DENND5A: variants seen among roughly 807,000 people sequenced by gnomAD.
DENND5A encodes the protein DENN domain-containing protein 5A.
DENND5A carries 64 observed loss-of-function variants against 140.3 expected under a neutral mutation model. The ratio of observed to expected loss-of-function variants is 0.46; its 90% CI spans 0.37 to 0.56. DENND5A has a LOEUF of 0.56. Ranked by LOEUF, DENND5A falls within the 20% of genes least tolerant of loss-of-function variation. The probability of loss-of-function intolerance (pLI) is 0.00; values close to 1 mark genes in which losing one functional copy is unlikely to be tolerated. For missense variants in DENND5A, 1,292 were observed against 1,593.8 expected (o/e 0.81, Z 3.22); for synonymous variants, 605 against 607.7 (o/e 1.00, Z 0.07).
chr11:9,189,346 G>C (rs1358217132), intron 5 of DENND5A, among the ~76,000 whole-genome samples: 1 of 152,224 alleles, frequency 6.6e-6, no homozygotes, highest in Non-Finnish European at 1.5e-5. Flanking sequence ...ACTTCTGCTA[G>C]AGTAGTGCGG....
At chr11:9,247,209 G>A (rs1217197290) in intron 1 of DENND5A, among the ~76,000 whole-genome samples, 1 of 147,544 alleles carries the variant, frequency 6.8e-6, no homozygotes, top group Non-Finnish European at 1.5e-5. Context: ...CAGCCTGGGC[G>A]ACAGAGCGAG....
chr11:9,256,205 T>C (rs1205237266), intron 1 of DENND5A, among the ~76,000 whole-genome samples: 1 of 152,178 alleles, frequency 6.6e-6, no homozygotes, highest in Non-Finnish European at 1.5e-5. Context: ...CTTGTGCCTG[T>C]AATCCCAGCA....
chr11:9,150,299 C>T, intron 14 of DENND5A, 90 bp from the exon 15 acceptor site: 1 of 1,452,678 alleles, frequency 6.9e-7, no homozygotes, highest in Non-Finnish European at 9.4e-7. Context: ...AGGAGACCTG[C>T]TGAGACAGAC....
chr11:9,250,125 C>T (rs755384449), intron 1 of DENND5A, among the ~76,000 whole-genome samples: 3 of 151,136 alleles, frequency 2.0e-5, no homozygotes. Context: ...AATCAGAAGT[C>T]ACAGCCAGCC....
chr11:9,149,965 G>A (rs186717522), intron 15 of DENND5A, 116 bp downstream of exon 15: 334 of 1,389,108 alleles, frequency 2.4e-4, no homozygotes, highest in Non-Finnish European at 3.1e-4. Context: ...TAAGCAAAGA[G>A]GTTAGCTGAA....
chr11:9,198,580 C>T (rs1288710701), intron 4 of DENND5A, among the ~76,000 whole-genome samples: 1 of 149,546 alleles, frequency 6.7e-6, no homozygotes, highest in African/African-American at 2.5e-5. Context: ...CACTGCACTC[C>T]AGCCTGGCAA....
At chr11:9,258,493 G>A (rs1167841988) in intron 1 of DENND5A, among the ~76,000 whole-genome samples, 1 of 152,084 alleles carries the variant, frequency 6.6e-6, no homozygotes, top group East Asian at 1.9e-4. Flanking sequence ...TCCATGATGT[G>A]TATGTGCCAT....
chr11:9,255,009 T>G (rs1197936800), intron 1 of DENND5A, among the ~76,000 whole-genome samples: 1 of 151,904 alleles, frequency 6.6e-6, no homozygotes, highest in Non-Finnish European at 1.5e-5. Context: ...AGGCAGAGGT[T>G]GCAGTGAGCC....
At chr11:9,209,971 G>C (rs912333629) in intron 1 of DENND5A, among the ~76,000 whole-genome samples, 40 of 152,220 alleles carry the variant, frequency 2.6e-4, no homozygotes, top group South Asian at 6.2e-4. Flanking sequence ...GCCAGGCGTA[G>C]TGGCGGACAC....
chr11:9,220,436 A>C (rs1331035115), intron 1 of DENND5A, among the ~76,000 whole-genome samples: 1 of 152,080 alleles, frequency 6.6e-6, no homozygotes, highest in Non-Finnish European at 1.5e-5. Flanking sequence ...AATCCCAGCT[A>C]CTTGGGAAGC....
intron 1 of DENND5A, among the ~76,000 whole-genome samples, chr11:9,249,752 G>A (rs566328927): frequency 6.6e-6 from 1 of 152,232 alleles, no homozygotes; most frequent in East Asian, 1.9e-4. Context: ...GTTTCACCAT[G>A]TTAGCCAGGC....
At chr11:9,222,896 A>G (rs867401843) in intron 1 of DENND5A, among the ~76,000 whole-genome samples, 41 of 152,372 alleles carry the variant, frequency 2.7e-4, no homozygotes, top group South Asian at 4.1e-4. Context: ...AGTTGCCACA[A>G]GCTCTTGCTA....
rs1234114605 is a variant in DENND5A at position 9,142,074 on chromosome 11, CT to C, written c.3545del (p.Lys1182ArgfsTer4). On this transcript the variant is annotated frameshift_variant, in exon 22 of 23. Transcript: ENST00000328194. LOFTEE classifies it high-confidence loss of function. ...KAQTYYETLE[K>X]NEVVPEENWH... ...AGTTTTCCTCAGGGACTACTTCATT[CT>C]TCTCTAATGTCTCATAATAGGTTTG... The C allele has an allele frequency of 6.2e-7, 1 of 1,602,590 alleles. No individual in the cohort carries two copies. Among genetic ancestry groups the C allele is most frequent in the Non-Finnish European group, 8.5e-7 (1 of 1,174,810 alleles).
chr11:9,198,949 C>T (rs867053733), intron 4 of DENND5A, among the ~76,000 whole-genome samples: 2 of 143,208 alleles, frequency 1.4e-5, no homozygotes, highest in African/African-American at 2.5e-5. Flanking sequence ...CCTAGCTACT[C>T]GGGAGGCTGA....
intron 1 of DENND5A, among the ~76,000 whole-genome samples, chr11:9,243,112 AAAAAC>A: frequency 5.3e-5 from 8 of 150,046 alleles, no homozygotes; most frequent in Non-Finnish European, 7.4e-5. Flanking sequence ...AAACAAAAAA[AAAAAC>A]TGAGGCGAGT....
At position 9,160,812 on chromosome 11, in the gene DENND5A, A is replaced by G. The variant is rs532272927; in HGVS notation, c.2337T>C (p.His779=). The G allele has an allele frequency of 1.9e-6, 3 of 1,614,146 alleles. No homozygotes were observed. The African/African-American group carries it at 4.0e-5, about 22-fold the overall frequency. Residue 779 remains histidine, a synonymous_variant, in exon 12 of 23, where the codon CAT becomes CAC. Coordinates refer to ENST00000328194, the MANE Select transcript of DENND5A (RefSeq NM_015213.4). ...KMGREAVELG[H]GEVNITGVEE... ...CCACCCCTGTGATGTTCACCTCCCC[A>G]TGCCCTAGCTCCACAGCTTCTCGGC...
intron 20 of DENND5A, 198 bp downstream of exon 20, chr11:9,143,205 A>G (rs978166771): frequency 1.6e-6 from 1 of 635,152 alleles, no homozygotes. Flanking sequence ...GTATGGAGGG[A>G]AAACAGGGTA....
chr11:9,144,354 A>T, intron 18 of DENND5A, 76 bp from the exon 19 acceptor site: 5 of 1,444,342 alleles, frequency 3.5e-6, no homozygotes, highest in Non-Finnish European at 4.8e-6. Flanking sequence ...CAACAAAGCC[A>T]ATCCCTGGAG....
chr11:9,233,398 CAAAA>C (rs1001576602), intron 1 of DENND5A, among the ~76,000 whole-genome samples: 3 of 54,070 alleles, frequency 5.5e-5, no homozygotes, highest in African/African-American at 6.1e-5. Context: ...GACTCTGTCT[CAAAA>C]AAAAAAAAAA....
Sources: allele counts gnomAD v4.1 joint callset (sites outside exome capture counted in the v4.1 genomes callset), GRCh38; gene constraint gnomAD v4.1.1; transcripts MANE v1.5; gene names NCBI Gene and HGNC (gene_info 2026-07-23, HGNC 2026-07-21).